The following TMCO1 variants were observed in gnomAD, a reference collection of about 807,000 sequenced individuals.
TMCO1 encodes transmembrane and coiled-coil domains 1.
Under a neutral mutation model 29.3 loss-of-function variants are expected in TMCO1, and 29 were observed. That is an observed-to-expected ratio of 0.99 (90% CI 0.74 to 1.35). The LOEUF is 1.35. Ranked by LOEUF, TMCO1 falls within the 40% of genes most tolerant of loss-of-function variation. TMCO1 has a pLI of 0.00. For synonymous variants in TMCO1, 80 were observed against 77.1 expected (o/e 1.04, Z -0.20); for missense variants, 173 against 225.5 (o/e 0.77, Z 1.49).
At position 165,768,811 on chromosome 1, in the gene TMCO1, A is replaced by C. The variant is rs796123797; in HGVS notation, c.-60T>G. The C allele has an allele frequency of 1.9e-6, 3 of 1,611,270 alleles. No individual in the cohort carries two copies. ...GGGGAAAGCGCTCTACAGCCAGGAA[A>C]AGTGAAGCGAAAACGGCTTCCGTAG... On this transcript the variant is annotated 5_prime_UTR_variant, in exon 1 of 7. Coordinates refer to ENST00000367881, the MANE Select transcript of TMCO1 (RefSeq NM_019026.6).
chr1:165,761,194 T>TGTG, intron 2 of TMCO1, among the ~76,000 whole-genome samples: 1 of 151,946 alleles, frequency 6.6e-6, no homozygotes, highest in Non-Finnish European at 1.5e-5. Context: ...TGTGTGTGTG[T>TGTG]TTGTTCTGGA....
At chr1:165,725,020 CTCTCTATATA>C (rs776520515), downstream of TMCO1, 862 of 119,298 alleles carry the variant, frequency 7.2e-3, 1 homozygote, top group African/African-American at 0.015. Flanking sequence ...CTCTCTCTCT[CTCTCTATATA>C]TATATATATA....
chr1:165,736,071 A>G (rs550688504), intron 6 of TMCO1, among the ~76,000 whole-genome samples: 27 of 152,346 alleles, frequency 1.8e-4, no homozygotes, highest in Non-Finnish European at 3.2e-4. Context: ...CCTTTCAAAA[A>G]AAAGGTCCCG....
At chr1:165,729,040 A>G (rs1007023528) in intron 6 of TMCO1, among the ~76,000 whole-genome samples, 2 of 145,016 alleles carry the variant, frequency 1.4e-5, no homozygotes, top group African/African-American at 2.5e-5. Flanking sequence ...TAGGAGGCAG[A>G]GGCTGCGTGA....
At chr1:165,728,983 G>A (rs930413184) in intron 6 of TMCO1, among the ~76,000 whole-genome samples, 3 of 151,656 alleles carry the variant, frequency 2.0e-5, no homozygotes, top group Non-Finnish European at 4.4e-5. Context: ...GCATACACCT[G>A]TAGTCCTAGC....
downstream of TMCO1, chr1:165,726,129 G>T (rs1309668642): frequency 1.4e-6 from 1 of 696,058 alleles, no homozygotes; most frequent in Admixed American, 2.0e-5. Context: ...TTTCATATTT[G>T]TCATTATTGT....
At chr1:165,726,356 GAACA>G (rs774508870), downstream of TMCO1, 1 of 673,362 alleles carries the variant, frequency 1.5e-6, no homozygotes, top group South Asian at 1.5e-5. Flanking sequence ...GTAATAAGGA[GAACA>G]AAAAAAAAGA....
chr1:165,743,063 C>G, intron 6 of TMCO1, 104 bp downstream of exon 6: 2 of 1,422,064 alleles, frequency 1.4e-6, no homozygotes, highest in Non-Finnish European at 9.8e-7. Flanking sequence ...ACTGAAAGAA[C>G]TCAGGAACAA....
intron 6 of TMCO1, among the ~76,000 whole-genome samples, chr1:165,739,948 TA>T (rs1651527939): frequency 6.6e-6 from 1 of 151,654 alleles, no homozygotes; most frequent in Admixed American, 6.6e-5. Context: ...CTGTCTCTAC[TA>T]AAAATATAAA....
At chr1:165,724,989 TC>T, downstream of TMCO1, 2 of 85,858 alleles carry the variant, frequency 2.3e-5, no homozygotes, top group Non-Finnish European at 4.5e-5. Flanking sequence ...TCTCTCTTTC[TC>T]TCTCTCTCTC....
intron 6 of TMCO1, among the ~76,000 whole-genome samples, chr1:165,741,122 T>G (rs1651578975): frequency 6.6e-6 from 1 of 152,282 alleles, no homozygotes; most frequent in African/African-American, 2.4e-5. Context: ...TACTCTTCTT[T>G]CTTCTATTCC....
chr1:165,730,454 T>C (rs1337345086), intron 6 of TMCO1, among the ~76,000 whole-genome samples: 1 of 152,196 alleles, frequency 6.6e-6, no homozygotes, highest in Non-Finnish European at 1.5e-5. Context: ...CTAAATTATA[T>C]TTACCATAAA....
At chr1:165,725,375 C>A (rs1235751443), downstream of TMCO1, 1 of 453,516 alleles carries the variant, frequency 2.2e-6, no homozygotes. Context: ...AAGGCCCAGT[C>A]TGGTCAAGGA....
At chr1:165,756,448 T>A (rs1157659901) in intron 3 of TMCO1, among the ~76,000 whole-genome samples, 7 of 152,174 alleles carry the variant, frequency 4.6e-5, no homozygotes, top group Admixed American at 1.3e-4. Flanking sequence ...TCTCATCACG[T>A]ATATCCTTCA....
intron 6 of TMCO1, among the ~76,000 whole-genome samples, chr1:165,732,753 G>T (rs1305774347): frequency 6.6e-6 from 1 of 152,056 alleles, no homozygotes; most frequent in Non-Finnish European, 1.5e-5. Flanking sequence ...ACTCAATTTT[G>T]CTGTGAACCT....
chr1:165,759,492 C>A (rs377125327), intron 3 of TMCO1, 33 bp downstream of exon 3: 2 of 1,544,582 alleles, frequency 1.3e-6, no homozygotes, highest in South Asian at 1.2e-5. Flanking sequence ...TTAAGAAAAC[C>A]CAAATTTCAT....
rs188495197 is a variant in TMCO1, at chr1:165,751,156, T to C, written c.323+946A>G. Among the ~76,000 whole-genome samples the C allele has an allele frequency of 2.8e-4, 42 of 152,338 alleles. No homozygotes were observed. In the East Asian group the frequency reaches 7.1e-3, roughly 26 times the overall value. Reference sequence around the variant, plus strand: ...GTTCCATAATTACTCTGGTCTGCTATATGCTGGTTTAGACAACAGTAATTT... The same window carrying C: ...GTTCCATAATTACTCTGGTCTGCTACATGCTGGTTTAGACAACAGTAATTT... On this transcript the variant is annotated intron_variant, in intron 5 of 6. Transcript: ENST00000367881.
chr1:165,738,165 C>T (rs535602653), intron 6 of TMCO1, among the ~76,000 whole-genome samples: 10 of 152,270 alleles, frequency 6.6e-5, no homozygotes, highest in Non-Finnish European at 1.0e-4. Context: ...TGGTGGCATG[C>T]ACCTGTAATC....
At chr1:165,757,419 G>T (rs1163174722) in intron 3 of TMCO1, among the ~76,000 whole-genome samples, 1 of 152,230 alleles carries the variant, frequency 6.6e-6, no homozygotes, top group Non-Finnish European at 1.5e-5. Flanking sequence ...AGAATGGATA[G>T]ATCATCTTTC....
Sources: allele counts gnomAD v4.1 joint callset (sites outside exome capture counted in the v4.1 genomes callset), GRCh38; gene constraint gnomAD v4.1.1; transcripts MANE v1.5; gene names NCBI Gene and HGNC (gene_info 2026-07-23, HGNC 2026-07-21).